The following FARP1 variants were observed in gnomAD, a reference collection of about 807,000 sequenced individuals.
The protein encoded by FARP1 is FERM, ARHGEF and pleckstrin domain-containing protein 1.
A neutral mutation model predicts 128.8 loss-of-function variants in FARP1; 52 were observed. That is an observed-to-expected ratio of 0.40 (90% CI 0.32 to 0.51). The LOEUF is 0.51. Among genes scored for constraint, FARP1 ranks in the 20% least tolerant of loss-of-function variants. The probability of loss-of-function intolerance (pLI) is 0.45; values close to 1 mark genes in which losing one functional copy is unlikely to be tolerated. For synonymous variants in FARP1, 580 were observed against 551.8 expected (o/e 1.05, Z -0.72); for missense variants, 1,333 against 1,367.9 (o/e 0.97, Z 0.40).
chr13:98,266,936 C>A (rs1202469114), intron 2 of FARP1, among the ~76,000 whole-genome samples: 1 of 145,926 alleles, frequency 6.9e-6, no homozygotes, highest in Non-Finnish European at 1.5e-5. Flanking sequence ...ATCTCTTGAA[C>A]CTGGGAGGTG....
chr13:98,223,587 A>C (rs542080891), intron 2 of FARP1, among the ~76,000 whole-genome samples: 1 of 152,136 alleles, frequency 6.6e-6, no homozygotes, highest in African/African-American at 2.4e-5. Flanking sequence ...CGGCCTCCCA[A>C]AGTCCTGGAA....
intron 2 of FARP1, among the ~76,000 whole-genome samples, chr13:98,222,772 C>A (rs186512738): frequency 6.7e-6 from 1 of 149,550 alleles, no homozygotes; most frequent in Non-Finnish European, 1.5e-5. Context: ...GGACTGCAGG[C>A]GTGCACCACC....
chr13:98,310,330 G>A (rs763129208), intron 2 of FARP1, among the ~76,000 whole-genome samples: 1 of 152,056 alleles, frequency 6.6e-6, no homozygotes, highest in Non-Finnish European at 1.5e-5. Flanking sequence ...CCTCTGAAGG[G>A]TTATAGCCAC....
At chr13:98,293,983 C>T in intron 2 of FARP1, among the ~76,000 whole-genome samples, 1 of 152,296 alleles carries the variant, frequency 6.6e-6, no homozygotes, top group East Asian at 1.9e-4. Context: ...TCTACTTGGG[C>T]TTTACTCTTT....
chr13:98,442,392 G>A (rs1219714522), intron 24 of FARP1, among the ~76,000 whole-genome samples: 2 of 152,210 alleles, frequency 1.3e-5, no homozygotes, highest in Non-Finnish European at 2.9e-5. Flanking sequence ...CCTGCTACAA[G>A]CCGCTTGTTT....
intron 1 of FARP1, among the ~76,000 whole-genome samples, chr13:98,186,504 T>C (rs576547330): frequency 2.6e-4 from 39 of 152,356 alleles, no homozygotes; most frequent in African/African-American, 8.9e-4. Flanking sequence ...GGATATCTCA[T>C]GTAAGGAGCA....
At chr13:98,393,813 C>A in intron 12 of FARP1, 95 bp downstream of exon 12, 1 of 915,484 alleles carries the variant, frequency 1.1e-6, no homozygotes, top group Non-Finnish European at 1.8e-6. Flanking sequence ...GTTCTCTGTC[C>A]TTTCCTTTGG....
chr13:98,143,577 C>T (rs1379010704), intron 1 of FARP1, 85 bp downstream of exon 1: 5 of 150,638 alleles, frequency 3.3e-5, no homozygotes, highest in East Asian at 2.0e-4. Flanking sequence ...TTGTGCGAGT[C>T]CAGGCTCCCG....
intron 5 of FARP1, among the ~76,000 whole-genome samples, chr13:98,373,533 G>GACAGACAGACACACACACACACACAC (rs1349451618): frequency 2.2e-4 from 29 of 131,062 alleles, no homozygotes; most frequent in African/African-American, 8.6e-4. Flanking sequence ...CAGACAGACA[G>GACAGACAGACACACACACACACACAC]ACACACACAC....
chr13:98,335,318 A>G (rs1337489159), intron 2 of FARP1, among the ~76,000 whole-genome samples: 2 of 152,214 alleles, frequency 1.3e-5, no homozygotes, highest in Non-Finnish European at 2.9e-5. Flanking sequence ...AGGCCTTACA[A>G]TCATGGCAGA....
intron 1 of FARP1, among the ~76,000 whole-genome samples, chr13:98,163,956 G>A (rs1376665044): frequency 2.6e-5 from 4 of 152,080 alleles, no homozygotes; most frequent in African/African-American, 4.8e-5. Context: ...TTATCCGCCC[G>A]CCTCAGCCTC....
intron 14 of FARP1, 108 bp from the exon 15 acceptor site, chr13:98,410,626 C>G (rs1891154625): frequency 1.8e-6 from 1 of 558,608 alleles, no homozygotes; most frequent in Admixed American, 3.1e-5. Flanking sequence ...TTGATGCCAG[C>G]TAACAAAAGA....
intron 3 of FARP1, among the ~76,000 whole-genome samples, chr13:98,356,057 T>G (rs1333336905): frequency 6.6e-6 from 1 of 152,232 alleles, no homozygotes; most frequent in East Asian, 1.9e-4. Context: ...TACATGCACT[T>G]GGAAAAGACT....
intron 3 of FARP1, among the ~76,000 whole-genome samples, chr13:98,361,015 C>T (rs558048219): frequency 8.0e-4 from 122 of 152,256 alleles, no homozygotes; most frequent in African/African-American, 2.8e-3. Flanking sequence ...AGTGACTAGC[C>T]CAGGATGACC....
At chr13:98,199,251 C>A (rs1879782840) in intron 1 of FARP1, among the ~76,000 whole-genome samples, 1 of 151,946 alleles carries the variant, frequency 6.6e-6, no homozygotes, top group Non-Finnish European at 1.5e-5. Context: ...GTCTCAGTTC[C>A]TCAGTGAGGT....
rs149787378 is a variant in FARP1, at chr13:98,370,291, G to A, written c.398+2096G>A. Reference sequence around the variant, plus strand: ...AAAGGAGGGCCAGCATGGCAGGAGTGTTGGGAGCGTCGTGGTGAGGTGGGA... The same window carrying A: ...AAAGGAGGGCCAGCATGGCAGGAGTATTGGGAGCGTCGTGGTGAGGTGGGA... On this transcript the variant is annotated intron_variant, in intron 5 of 26. Coordinates refer to ENST00000319562, the MANE Select transcript of FARP1 (RefSeq NM_005766.4). 2.4e-4 allele frequency among the ~76,000 whole-genome samples: 37 copies of A among 152,308 alleles called. No individual in the cohort carries two copies. The East Asian group carries it at 6.8e-3, about 28-fold the overall frequency.
At chr13:98,308,764 G>A (rs1886306418) in intron 2 of FARP1, among the ~76,000 whole-genome samples, 1 of 152,142 alleles carries the variant, frequency 6.6e-6, no homozygotes. Flanking sequence ...TGCCTCCTGG[G>A]TTCAAGTGAT....
chr13:98,305,526 G>T (rs1886107788), intron 2 of FARP1, among the ~76,000 whole-genome samples: 3 of 152,090 alleles, frequency 2.0e-5, no homozygotes. Flanking sequence ...TAGAGACGGG[G>T]TTTCTCCATG....
chr13:98,388,459 A>T lies in FARP1; in HGVS notation c.836A>T (p.Lys279Met). 6.2e-7 allele frequency: 1 copy of T among 1,613,872 alleles called. No homozygotes were observed. The highest frequency in any genetic ancestry group is 8.5e-7 in the Non-Finnish European group (1 of 1,179,756). Residue 279 changes from lysine (K) to methionine (M), a missense_variant, in exon 9 of 27, where the codon AAG (lysine) becomes ATG (methionine). Lys to Met is a moderately conservative substitution (Grantham distance 95). Around this residue, in one of 2 missense-constraint regions of FARP1, gnomAD observed 324 missense variants for 398.1 expected, o/e 0.81. Coordinates refer to ENST00000319562, the MANE Select transcript of FARP1 (RefSeq NM_005766.4). ...TTCAAGAGGAAGCGCTTTCTCATCA[A>T]GCTCCGGCCAGATGCCAATGTAAGT... ...LSFKRKRFLI[K>M]LRPDANSAYQ...
Sources: gnomAD v4.1 joint callset for allele counts (sites outside exome capture counted in the v4.1 genomes callset) on GRCh38, gnomAD v4.1.1 for gene constraint, gnomAD v4.1.1 regional missense constraint, MANE v1.5 for transcripts, NCBI Gene and HGNC (gene_info 2026-07-23, HGNC 2026-07-21) for gene names.